The following HSPBAP1 variants were observed in gnomAD, a reference collection of about 807,000 sequenced individuals.
The protein encoded by HSPBAP1 is HSPB1 associated protein 1, also known as HSPB1-associated protein 1.
HSPBAP1 carries 27 observed loss-of-function variants against 45.2 expected under a neutral mutation model. The ratio of observed to expected loss-of-function variants is 0.60; its 90% CI spans 0.44 to 0.82. The LOEUF is 0.82. Ranked by LOEUF, HSPBAP1 falls within the 40% of genes least tolerant of loss-of-function variation. The pLI is 0.00. For synonymous variants in HSPBAP1, 204 were observed against 202.7 expected (o/e 1.01, Z -0.06); for missense variants, 510 against 590.9 (o/e 0.86, Z 1.42).
chr3:122,792,414 A>C (rs1935860471), intron 1 of HSPBAP1, among the ~76,000 whole-genome samples: 2 of 152,174 alleles, frequency 1.3e-5, no homozygotes, highest in African/African-American at 4.8e-5. Context: ...TAGAAAATGG[A>C]AAGATCAATG....
chr3:122,773,611 C>T (rs543670170), intron 2 of HSPBAP1, among the ~76,000 whole-genome samples: 3 of 151,938 alleles, frequency 2.0e-5, no homozygotes, highest in South Asian at 4.2e-4. Flanking sequence ...CCACTGTGCC[C>T]GGCCAAATAA....
At chr3:122,780,498 G>C (rs1180251462) in intron 1 of HSPBAP1, among the ~76,000 whole-genome samples, 1 of 131,178 alleles carries the variant, frequency 7.6e-6, no homozygotes, top group Non-Finnish European at 1.6e-5. Flanking sequence ...GCAGCTGGCC[G>C]GGCGGGGGCT....
At position 122,740,323 on chromosome 3, in the gene HSPBAP1, T is replaced by C. The variant is rs764763693; in HGVS notation, c.*22A>G. 6.8e-7 allele frequency: 1 copy of C among 1,467,792 alleles called. No individual in the cohort carries two copies. Among genetic ancestry groups the C allele is most frequent in the Non-Finnish European group, 9.2e-7 (1 of 1,091,722 alleles). 90.9% of individuals were successfully genotyped at this position (1,467,792 alleles called of 1,614,324 possible). ...AATATATATTTAAAAAATATTATTT[T>C]AAAAGTCATCTTCCACTTGAATCAT... is the stretch of plus-strand genomic sequence containing the variant. On this transcript the variant is annotated 3_prime_UTR_variant, in exon 8 of 8. Transcript: ENST00000306103.
At chr3:122,778,797 T>C (rs570455036) in intron 1 of HSPBAP1, among the ~76,000 whole-genome samples, 46 of 152,274 alleles carry the variant, frequency 3.0e-4, no homozygotes, top group African/African-American at 8.4e-4. Context: ...CCCAAAGTGC[T>C]GGAATTACAG....
intron 6 of HSPBAP1, among the ~76,000 whole-genome samples, chr3:122,748,830 C>T (rs1195955533): frequency 1.3e-5 from 2 of 152,120 alleles, no homozygotes; most frequent in Non-Finnish European, 2.9e-5. Flanking sequence ...AGACTGGAAA[C>T]AACCCAAACA....
At chr3:122,746,634 C>T (rs1450455735) in intron 6 of HSPBAP1, among the ~76,000 whole-genome samples, 1 of 123,558 alleles carries the variant, frequency 8.1e-6, no homozygotes, top group Non-Finnish European at 2.0e-5. Context: ...CTCTCTCTCT[C>T]CTCTCCCCTC....
At chr3:122,781,392 A>G (rs6773687) in intron 1 of HSPBAP1, among the ~76,000 whole-genome samples, 11,340 of 152,204 alleles carry the variant, frequency 0.075, 619 homozygotes, top group African/African-American at 0.15. Context: ...GTCTCCACCA[A>G]AAAAATACGA....
chr3:122,740,644 G>A lies in HSPBAP1; in HGVS notation c.1168C>T (p.Pro390Ser). The A allele has an allele frequency of 6.2e-7, 1 of 1,614,038 alleles. No homozygotes were observed. Residue 390 changes from proline (P) to serine (S), a missense_variant, in exon 8 of 8, where the codon CCT becomes TCT. Physicochemically the swap from Pro to Ser is moderately conservative, Grantham distance 74. Coordinates refer to ENST00000306103, the MANE Select transcript of HSPBAP1 (RefSeq NM_024610.6). ...DKPEAASPFG[P>S]DLVPVAQRSE... ...CTCTGTGCTACAGGGACCAGATCAG[G>A]GCCAAAGGGACTTGCTGCCTCCGGT...
intron 6 of HSPBAP1, among the ~76,000 whole-genome samples, chr3:122,746,342 C>A (rs1311757771): frequency 1.6e-5 from 2 of 126,700 alleles, no homozygotes; most frequent in African/African-American, 3.0e-5. Context: ...TTTTAAAGAA[C>A]ACATTAAAAA....
intron 1 of HSPBAP1, 39 bp from the exon 2 acceptor site, chr3:122,777,945 A>G (rs367829181): frequency 4.7e-5 from 67 of 1,434,294 alleles, no homozygotes; most frequent in Admixed American, 1.7e-4. Context: ...ATAGAAAACT[A>G]TCAAGTTTTT....
chr3:122,779,583 T>G (rs1297858685), intron 1 of HSPBAP1, among the ~76,000 whole-genome samples: 1 of 151,500 alleles, frequency 6.6e-6, no homozygotes, highest in East Asian at 1.9e-4. Context: ...CATAGGACAA[T>G]AGTGGAGGGA....
intron 6 of HSPBAP1, among the ~76,000 whole-genome samples, chr3:122,751,018 A>G (rs778645554): frequency 2.6e-5 from 4 of 152,228 alleles, no homozygotes; most frequent in Non-Finnish European, 4.4e-5. Context: ...AAAAAATCAC[A>G]GATATTTTAA....
chr3:122,778,402 A>C (rs1273359337), intron 1 of HSPBAP1, among the ~76,000 whole-genome samples: 6 of 152,026 alleles, frequency 3.9e-5, no homozygotes, highest in Non-Finnish European at 7.4e-5. Context: ...AACCAAAAAC[A>C]ACCACTGTTG....
chr3:122,777,812 CCAAT>C lies in HSPBAP1; in HGVS notation c.155_158del (p.Asp52GlyfsTer26), dbSNP rs1200163018. On this transcript the variant is annotated frameshift_variant, in exon 2 of 8. Transcript: ENST00000306103. LOFTEE classifies it high-confidence loss of function. ...ATTTAGCATTCCAGTGTCGTGCTGG[CCAAT>C]CAAACACCATGTTACAGAAGATTGC... is the stretch of plus-strand genomic sequence containing the variant. The C allele has an allele frequency of 4.3e-6, 7 of 1,613,688 alleles. No homozygotes were observed. Among genetic ancestry groups the C allele is most frequent in the Non-Finnish European group, 5.1e-6 (6 of 1,179,704 alleles).
intron 1 of HSPBAP1, among the ~76,000 whole-genome samples, chr3:122,791,876 A>T (rs1935840532): frequency 6.6e-6 from 1 of 152,200 alleles, no homozygotes; most frequent in African/African-American, 2.4e-5. Flanking sequence ...AATTTTACAT[A>T]AGGAAGAGTC....
chr3:122,762,687 CT>C (rs1186273205), intron 3 of HSPBAP1, among the ~76,000 whole-genome samples: 2 of 152,076 alleles, frequency 1.3e-5, no homozygotes, highest in African/African-American at 4.8e-5. Context: ...TTTCAGCTAT[CT>C]TTTTGTCATG....
At position 122,793,687 on chromosome 3, in the gene HSPBAP1, C is replaced by T. The variant is rs1405129970; in HGVS notation, c.-7G>A. 1.2e-6 allele frequency: 2 copies of T among 1,613,596 alleles called. No individual in the cohort carries two copies. The highest frequency in any genetic ancestry group is 1.7e-6 in the Non-Finnish European group (2 of 1,179,936). On this transcript the variant is annotated 5_prime_UTR_variant, in exon 1 of 8. Coordinates refer to ENST00000306103, the MANE Select transcript of HSPBAP1 (RefSeq NM_024610.6). The stretch of plus-strand genomic sequence containing the variant: ...CCTCGGAGCCTGCTGCCATGGCTAC[C>T]GCAAGGCGGGTTCTGCCGGAACCCA...
chr3:122,743,465 C>G (rs1222305905), intron 6 of HSPBAP1, among the ~76,000 whole-genome samples: 1 of 152,068 alleles, frequency 6.6e-6, no homozygotes, highest in African/African-American at 2.4e-5. Flanking sequence ...ACTCAGGAGG[C>G]TGAAGCAGGA....
chr3:122,777,733 T>C lies in HSPBAP1; in HGVS notation c.238A>G (p.Ser80Gly). 2 of 1,613,354 alleles carry C rather than the reference T, an allele frequency of 1.2e-6. No homozygotes were observed. The highest frequency in any genetic ancestry group is 1.7e-6 in the Non-Finnish European group (2 of 1,179,416). Residue 80 changes from serine (S) to glycine (G), a missense_variant, in exon 2 of 8, where the codon AGC (serine) becomes GGC (glycine). Ser to Gly is a moderately conservative substitution (Grantham distance 56, BLOSUM62 0). Transcript: ENST00000306103. ...KQIRFRMGMK[S>G]MSTVPQFETT... ...CCTATAGTCATACCTGTGCTCATGCTTTTCATCCCCATTCTGAATCGTATC... is the reference window on the plus strand; with the variant it reads ...CCTATAGTCATACCTGTGCTCATGCCTTTCATCCCCATTCTGAATCGTATC...
Sources: allele counts gnomAD v4.1 joint callset (sites outside exome capture counted in the v4.1 genomes callset), GRCh38; gene constraint gnomAD v4.1.1; transcripts MANE v1.5; gene names NCBI Gene and HGNC (gene_info 2026-07-23, HGNC 2026-07-21).